Variants in UNC79 observed in about 807,000 individuals in gnomAD.
UNC79 encodes the protein unc-79 subunit of NALCN channel complex.
Under a neutral mutation model 283.1 loss-of-function variants are expected in UNC79, and 37 were observed. The observed-to-expected ratio is 0.13, with a 90% CI of 0.10 to 0.17. The LOEUF (loss-of-function observed/expected upper bound fraction) is 0.17. UNC79 is among the 10% of genes least tolerant of loss of function. UNC79 has a pLI of 1.00. For synonymous variants in UNC79, 1,107 were observed against 1,200.2 expected, an observed-to-expected ratio of 0.92 and a Z score of 1.61; for missense variants, 2,272 against 3,211.1, an observed-to-expected ratio of 0.71 and a Z score of 7.07.
chr14:93,402,907 G>A (rs1469216963), intron 1 of UNC79, among the ~76,000 whole-genome samples: 2 of 152,200 alleles, frequency 1.3e-5, no homozygotes, highest in Non-Finnish European at 2.9e-5. Context: ...AGGTCCTGAT[G>A]ACGTGTGTCC....
At chr14:93,379,567 A>C (rs1449871290) in intron 1 of UNC79, among the ~76,000 whole-genome samples, 2 of 152,144 alleles carry the variant, frequency 1.3e-5, no homozygotes, top group Non-Finnish European at 2.9e-5. Context: ...TATGATTTCT[A>C]CCTACCTTAA....
chr14:93,569,382 A>G (rs1242555600), intron 14 of UNC79, among the ~76,000 whole-genome samples: 1 of 152,204 alleles, frequency 6.6e-6, no homozygotes, highest in Non-Finnish European at 1.5e-5. Flanking sequence ...GGTTGCAGTG[A>G]ACTGAAATCG....
intron 14 of UNC79, among the ~76,000 whole-genome samples, chr14:93,562,339 G>T (rs1225130573): frequency 6.6e-6 from 1 of 152,160 alleles, no homozygotes; most frequent in African/African-American, 2.4e-5. Context: ...TAGCAGCCTG[G>T]CAAATTTCCT....
At chr14:93,684,642 A>C (rs1400662515) in intron 42 of UNC79, among the ~76,000 whole-genome samples, 2 of 152,212 alleles carry the variant, frequency 1.3e-5, no homozygotes, top group African/African-American at 4.8e-5. Flanking sequence ...AAATTAAAAA[A>C]ACTTGGAAGG....
chr14:93,626,645 T>A (rs1259333542), intron 30 of UNC79, among the ~76,000 whole-genome samples: 1 of 152,100 alleles, frequency 6.6e-6, no homozygotes, highest in Non-Finnish European at 1.5e-5. Flanking sequence ...AGTTGTCTCT[T>A]CCAAACTCTA....
rs917362704 is a variant in UNC79, at chr14:93,599,201, T to C, written c.3373-1368T>C. On this transcript the variant is annotated intron_variant, in intron 24 of 48. Coordinates refer to ENST00000555664, the Ensembl canonical transcript of UNC79. Reference sequence around the variant, plus strand: ...TAAAAGTGTCCTGTTATGCATTATCTTATTTAATCCTCACAGTTACCTTTT... The same window carrying C: ...TAAAAGTGTCCTGTTATGCATTATCCTATTTAATCCTCACAGTTACCTTTT... 2.6e-5 allele frequency among the ~76,000 whole-genome samples: 4 copies of C among 152,350 alleles called. No individual in the cohort carries two copies. In the South Asian group the frequency reaches 8.3e-4, roughly 32 times the overall value.
At position 93,348,164 on chromosome 14, in the gene UNC79, C is replaced by T. The variant is rs759582974; in HGVS notation, c.-351+14641C>T. 4.9e-6 allele frequency: 6 copies of T among 1,231,452 alleles called. No homozygotes were observed. In the African/African-American group the frequency reaches 7.4e-5, roughly 15 times the overall value. The allele number at this position is 1,231,452 out of a possible 1,614,324, so 76.3% of individuals were successfully genotyped here. A position where few individuals can be genotyped will look rare whatever the true frequency, so the allele number is the denominator to read the frequency against. The stretch of plus-strand genomic sequence containing the variant: ...CAGCTGTTAACGTCCAAAAAACTTT[C>T]AGAAAAAGCTGTGTTTTTGTTAACG... On this transcript the variant is annotated intron_variant, in intron 1 of 49. Transcript: ENST00000256339.
At chr14:93,507,217 G>A (rs953104346) in intron 7 of UNC79, among the ~76,000 whole-genome samples, 2 of 152,080 alleles carry the variant, frequency 1.3e-5, no homozygotes, top group Non-Finnish European at 2.9e-5. Context: ...TCTTATACAA[G>A]TTTTTTTGTG....
chr14:93,594,433 C>G (rs1171991132), intron 23 of UNC79, among the ~76,000 whole-genome samples: 1 of 152,080 alleles, frequency 6.6e-6, no homozygotes, highest in Non-Finnish European at 1.5e-5. Context: ...CTACACCAGG[C>G]TAATTTTTGT....
chr14:93,633,274 A>T (rs72692924), intron 31 of UNC79, among the ~76,000 whole-genome samples: 1 of 152,172 alleles, frequency 6.6e-6, no homozygotes, highest in African/African-American at 2.4e-5. Context: ...ACTTTAAGAC[A>T]CAAGAATTCC....
intron 14 of UNC79, among the ~76,000 whole-genome samples, chr14:93,569,654 A>G (rs901082133): frequency 7.9e-5 from 12 of 152,176 alleles, no homozygotes; most frequent in South Asian, 2.1e-4. Flanking sequence ...TTTAACATGT[A>G]GGTGCTTAAG....
intron 46 of UNC79, among the ~76,000 whole-genome samples, chr14:93,693,884 T>C (rs927026518): frequency 6.6e-6 from 1 of 152,236 alleles, no homozygotes; most frequent in Non-Finnish European, 1.5e-5. Flanking sequence ...TTTCAAATAA[T>C]ATTATTTTAA....
intron 1 of UNC79, among the ~76,000 whole-genome samples, chr14:93,400,494 A>G (rs555827364): frequency 6.6e-6 from 1 of 152,310 alleles, no homozygotes; most frequent in African/African-American, 2.4e-5. Context: ...GGGAGTTCAG[A>G]TGAAGGGGAA....
intron 1 of UNC79, among the ~76,000 whole-genome samples, chr14:93,419,878 A>G (rs909653536): frequency 2.0e-5 from 3 of 151,704 alleles, no homozygotes; most frequent in Admixed American, 1.3e-4. Flanking sequence ...AGCTTGGGCA[A>G]CATAGTGAGA....
chr14:93,562,988 A>T (rs993750523), intron 14 of UNC79, among the ~76,000 whole-genome samples: 1 of 152,178 alleles, frequency 6.6e-6, no homozygotes, highest in Admixed American at 6.5e-5. Flanking sequence ...GATTTCCTTG[A>T]GGATAGATTT....
intron 5 of UNC79, among the ~76,000 whole-genome samples, chr14:93,493,897 ATATATT>A (rs1356545592): frequency 0.029 from 1,677 of 57,340 alleles, 16 homozygotes; most frequent in Middle Eastern, 0.11. Flanking sequence ...ATATATATAT[ATATATT>A]TTTTTTTTTT....
In UNC79 at chr14:93,351,470, T is replaced by C. The variant is rs78812067; in HGVS notation, c.-351+17947T>C. Among the ~76,000 whole-genome samples the C allele has an allele frequency of 6.1e-3, 928 of 152,342 alleles. 5 individuals carry two copies. The highest frequency in any genetic ancestry group is 0.01 in the Non-Finnish European group (703 of 68,024). On this transcript the variant is annotated intron_variant, in intron 1 of 49. Coordinates refer to the UNC79 transcript ENST00000256339. ...GATATACAAGTTTGCTAATATTCAT[T>C]CATTCAACAAATACTGAATTCCTGT...
chr14:93,363,552 A>G (rs989254850), intron 1 of UNC79, among the ~76,000 whole-genome samples: 1 of 152,150 alleles, frequency 6.6e-6, no homozygotes, highest in Non-Finnish European at 1.5e-5. Context: ...GTTTAATCCT[A>G]TCAGTGAAGT....
At chr14:93,691,527 A>C (rs10873435) in intron 45 of UNC79, 566,194 of 586,554 alleles carry the variant, frequency 0.97, 275,462 homozygotes, top group African/African-American at 1. Context: ...GCCTTCTCTT[A>C]AAAAATGTGC....
Sources: gnomAD v4.1 joint callset for allele counts (sites outside exome capture counted in the v4.1 genomes callset) on GRCh38, gnomAD v4.1.1 for gene constraint, MANE v1.5 for transcripts, NCBI Gene and HGNC (gene_info 2026-07-23, HGNC 2026-07-21) for gene names.